The following IL17RA variants were observed in gnomAD, a reference collection of about 807,000 sequenced individuals.
The protein encoded by IL17RA is interleukin-17 receptor A.
Under a neutral mutation model 50.4 loss-of-function variants are expected in IL17RA, and 34 were observed. The observed-to-expected ratio is 0.67, with a 90% confidence interval of 0.51 to 0.90. The LOEUF (loss-of-function observed/expected upper bound fraction) is 0.90, where lower values mean the gene tolerates loss of function less well. IL17RA is among the 40% of genes least tolerant of loss of function. IL17RA has a pLI of 0.00. For missense variants in IL17RA, 1,276 were observed against 1,169.8 expected (o/e 1.09, Z -1.32); for synonymous variants, 585 against 510.4 (o/e 1.15, Z -1.97).
At chr22:17,108,160 GT>G in intron 12 of IL17RA, 146 bp from the exon 13 acceptor site, 2 of 771,412 alleles carry the variant, frequency 2.6e-6, no homozygotes, top group Non-Finnish European at 4.2e-6. Context: ...TAACATCTGG[GT>G]TTTTCCAACA....
intron 1 of IL17RA, among the ~76,000 whole-genome samples, chr22:17,095,183 G>C (rs2061364448): frequency 1.3e-5 from 2 of 152,134 alleles, no homozygotes; most frequent in South Asian, 4.1e-4. Flanking sequence ...CCATAATCTA[G>C]TGGTGCATTA....
intron 12 of IL17RA, 63 bp from the exon 13 acceptor site, chr22:17,108,244 G>A: frequency 1.3e-6 from 2 of 1,543,260 alleles, no homozygotes; most frequent in South Asian, 1.1e-5. Context: ...TCCTGGGCTG[G>A]CAGGCACAGA....
chr22:17,095,218 C>G (rs1252408445), intron 1 of IL17RA, among the ~76,000 whole-genome samples: 2 of 152,040 alleles, frequency 1.3e-5, no homozygotes, highest in African/African-American at 4.8e-5. Context: ...TTAATCAGTG[C>G]TGGAGAGGTA....
At position 17,113,458 on chromosome 22, in the gene IL17RA, A is replaced by C. The variant is rs1568926203; in HGVS notation, c.*3638A>C. On this transcript the variant is annotated 3_prime_UTR_variant, in exon 13 of 13. Transcript: ENST00000319363. ...GCCATCTGCCCGCCTCATCCTCCCA[A>C]AGTGCTGGGATTATAGGCCTGAGCC... The C allele has an allele frequency of 6.6e-6, 1 of 152,228 alleles. No homozygotes were observed. Among genetic ancestry groups the C allele is most frequent in the East Asian group, 1.9e-4 (1 of 5,200 alleles). 9.4% of individuals were successfully genotyped at this position (152,228 alleles called of 1,614,324 possible). A position where few individuals can be genotyped will look rare whatever the true frequency, so the allele number is the denominator to read the frequency against.
rs767291636 is a variant in IL17RA, at chr22:17,109,296, C to T, written c.2077C>T (p.Arg693Trp). The T allele has an allele frequency of 3.3e-6, 5 of 1,534,592 alleles. No individual in the cohort carries two copies. Among genetic ancestry groups the T allele is most frequent in the South Asian group, 1.2e-5 (1 of 83,566 alleles). ...GCCCCTGGCTGACGGTGCCGCAGTCCGGCTGGCACTGGCGGGGGAGGGCGA... is the reference window on the plus strand; with the variant it reads ...GCCCCTGGCTGACGGTGCCGCAGTCTGGCTGGCACTGGCGGGGGAGGGCGA... ...PGPLADGAAVRLALAGEGEAC... is the reference protein window; with the variant it reads ...PGPLADGAAVWLALAGEGEAC... Residue 693 changes from arginine (R) to tryptophan (W), a missense_variant, in exon 13 of 13, where the codon CGG becomes TGG. By Grantham distance (101) the Arg-to-Trp change is moderately radical (BLOSUM62 -3). Coordinates refer to ENST00000319363, the MANE Select transcript of IL17RA (RefSeq NM_014339.7).
chr22:17,094,654 A>ACTCTCTCTCTCT (rs774982179), intron 1 of IL17RA, among the ~76,000 whole-genome samples: 39 of 21,604 alleles, frequency 1.8e-3, no homozygotes, highest in African/African-American at 2.6e-3. Context: ...AGTCATACAC[A>ACTCTCTCTCTCT]CACTCTCTCT....
rs2061458377 is a variant in IL17RA, at chr22:17,114,411, G to GTC, written c.*4594_*4595dup. ...GTCTTGCCTGTGGGAGGAACATGCAGTCTCCTGTCTCATGGTTTGAAGTGT... is the reference window on the plus strand; with the variant it reads ...GTCTTGCCTGTGGGAGGAACATGCAGTCTCTCCTGTCTCATGGTTTGAAGTGT... On this transcript the variant is annotated 3_prime_UTR_variant, in exon 13 of 13. Coordinates refer to ENST00000319363, the MANE Select transcript of IL17RA (RefSeq NM_014339.7). The GTC allele has an allele frequency of 6.6e-6, 1 of 152,350 alleles. No homozygotes were observed. The highest frequency in any genetic ancestry group is 1.5e-5 in the Non-Finnish European group (1 of 68,148). The allele number at this position is 152,350 out of a possible 1,614,324, so 9.4% of individuals were successfully genotyped here.
intron 12 of IL17RA, 62 bp from the exon 13 acceptor site, chr22:17,108,245 C>T: frequency 1.0e-5 from 16 of 1,544,974 alleles, no homozygotes; most frequent in Non-Finnish European, 1.4e-5. Context: ...CCTGGGCTGG[C>T]AGGCACAGAG....
At chr22:17,097,483 A>G (rs1182619559) in intron 2 of IL17RA, 1 of 528,904 alleles carries the variant, frequency 1.9e-6, no homozygotes. Context: ...CTGACATATA[A>G]CAATAAAGCA....
rs567630756 is a variant in IL17RA, at chr22:17,088,309, C to CTTAT, written c.138+3101_138+3104dup. Among the ~76,000 whole-genome samples the CTTAT allele has an allele frequency of 9.5e-3, 1,438 of 152,014 alleles. 22 individuals carry two copies. The highest frequency in any genetic ancestry group is 0.031 in the African/African-American group (1,291 of 41,430). ...GAATAGTGGCCTATTGGAGGTATCC[C>CTTAT]TTATTTATTTATTTATTTATTTATA... On this transcript the variant is annotated intron_variant, in intron 1 of 12. Coordinates refer to ENST00000319363, the MANE Select transcript of IL17RA (RefSeq NM_014339.7).
At position 17,112,509 on chromosome 22, in the gene IL17RA, A is replaced by G. The variant is rs996597273; in HGVS notation, c.*2689A>G. 2 of 151,674 alleles carry G rather than the reference A, an allele frequency of 1.3e-5. No individual in the cohort carries two copies. Among genetic ancestry groups the G allele is most frequent in the African/African-American group, 4.9e-5 (2 of 41,192 alleles). 9.4% of individuals were successfully genotyped at this position (151,674 alleles called of 1,614,324 possible). On this transcript the variant is annotated 3_prime_UTR_variant, in exon 13 of 13. Coordinates refer to ENST00000319363, the MANE Select transcript of IL17RA (RefSeq NM_014339.7). ...CTCTGTAGACTTGCCTCTTCTGGAC[A>G]TGACATAGAGAAAGGAGTCATAAAT...
chr22:17,100,296 T>C (rs2061385961), intron 4 of IL17RA, 59 bp from the exon 5 acceptor site: 10 of 1,610,874 alleles, frequency 6.2e-6, no homozygotes, highest in Admixed American at 1.7e-5. Flanking sequence ...TCTTTGGGCA[T>C]AGATGGGTGA....
At chr22:17,093,538 C>T (rs1250215556) in intron 1 of IL17RA, 2 of 152,402 alleles carry the variant, frequency 1.3e-5, no homozygotes, top group East Asian at 3.8e-4. Context: ...ACTCTGCTGC[C>T]ACTTGGACAG....
chr22:17,094,652 A>ACTCTCTCTCTCTCT (rs1307011752), intron 1 of IL17RA, among the ~76,000 whole-genome samples: 3 of 17,762 alleles, frequency 1.7e-4, no homozygotes, highest in African/African-American at 7.7e-4. Context: ...TTAGTCATAC[A>ACTCTCTCTCTCTCT]CACACTCTCT....
intron 3 of IL17RA, 93 bp downstream of exon 3, chr22:17,098,036 C>A: frequency 6.8e-7 from 1 of 1,476,138 alleles, no homozygotes; most frequent in Non-Finnish European, 9.4e-7. Flanking sequence ...CAGTCCTGTG[C>A]TCAGACATGG....
At chr22:17,102,344 C>T in intron 7 of IL17RA, 42 bp downstream of exon 7, 1 of 1,604,278 alleles carries the variant, frequency 6.2e-7, no homozygotes, top group African/African-American at 1.3e-5. Context: ...AGCTCAGGAC[C>T]ACCCCTCCAA....
chr22:17,085,481 G>T (rs2061324056), intron 1 of IL17RA, among the ~76,000 whole-genome samples: 1 of 152,082 alleles, frequency 6.6e-6, no homozygotes, highest in Middle Eastern at 3.2e-3. Flanking sequence ...TGCACAACCT[G>T]GCCCGCCGTC....
intron 8 of IL17RA, 70 bp downstream of exon 8, chr22:17,103,647 G>A (rs1362533384): frequency 1.7e-6 from 2 of 1,208,912 alleles, no homozygotes; most frequent in Non-Finnish European, 2.4e-6. Flanking sequence ...ACAGGAGTGA[G>A]GAGTGTGCAC....
chr22:17,108,248 G>A lies in IL17RA; in HGVS notation c.1088-59G>A, dbSNP rs1253230008. 14 of 1,564,746 alleles carry A rather than the reference G, an allele frequency of 8.9e-6. No individual in the cohort carries two copies. The South Asian group carries it at 1.0e-4, about 11-fold the overall frequency. ...GTCCAGGCCCCTCCTGGGCTGGCAG[G>A]CACAGAGCTGCCCTGGGCCCTGGGG... On this transcript the variant is annotated intron_variant, in intron 12 of 12. Transcript: ENST00000319363.
Sources: allele counts gnomAD v4.1 joint callset (sites outside exome capture counted in the v4.1 genomes callset), GRCh38; gene constraint gnomAD v4.1.1; transcripts MANE v1.5; gene names NCBI Gene and HGNC (gene_info 2026-07-23, HGNC 2026-07-21).